PCCA: variants seen among roughly 807,000 people sequenced by gnomAD.
The protein encoded by PCCA is propionyl-CoA carboxylase alpha chain, mitochondrial.
A neutral mutation model predicts 101.3 loss-of-function variants in PCCA; 74 were observed. The ratio of observed to expected loss-of-function variants is 0.73; its 90% CI spans 0.61 to 0.89. The LOEUF is 0.89. Ranked by LOEUF, PCCA falls within the 40% of genes least tolerant of loss-of-function variation. PCCA has a pLI of 0.00. For missense variants in PCCA, 891 were observed against 907.0 expected, an observed-to-expected ratio of 0.98 and a Z score of 0.23; for synonymous variants, 294 against 313.6, an observed-to-expected ratio of 0.94 and a Z score of 0.66.
chr13:100,337,580 T>G (rs1204086590), intron 17 of PCCA, among the ~76,000 whole-genome samples: 1 of 152,216 alleles, frequency 6.6e-6, no homozygotes, highest in Admixed American at 6.5e-5. Flanking sequence ...ACCCCCCTTT[T>G]GAAGTGGAAT....
rs370573549 is a variant in PCCA at position 100,172,291 on chromosome 13, G to A, written c.468+14951G>A. On this transcript the variant is annotated intron_variant, in intron 6 of 23. Transcript: ENST00000376285. ...CTTTTGAAGGAAGTTTAATGTCTTT[G>A]GTATTCACATCAAACTAATTTGACA... Among the ~76,000 whole-genome samples, 10 of 151,206 alleles carry A rather than the reference G, an allele frequency of 6.6e-5. No homozygotes were observed. In the South Asian group the frequency reaches 1.0e-3, roughly 16 times the overall value.
chr13:100,401,175 A>G (rs2077341158), intron 19 of PCCA, among the ~76,000 whole-genome samples: 1 of 151,844 alleles, frequency 6.6e-6, no homozygotes, highest in African/African-American at 2.4e-5. Flanking sequence ...GAAATATTTT[A>G]GATTTTTTAT....
At chr13:100,371,463 A>G in intron 19 of PCCA, among the ~76,000 whole-genome samples, 1 of 152,204 alleles carries the variant, frequency 6.6e-6, no homozygotes, top group Non-Finnish European at 1.5e-5. Flanking sequence ...AAGACTTAAT[A>G]TGGTTAAAAT....
rs537422145 is a variant in PCCA, at chr13:100,418,812, C to T, written c.1747-6821C>T. 1.5e-3 allele frequency among the ~76,000 whole-genome samples: 221 copies of T among 145,602 alleles called. 2 individuals are homozygous for T. The highest frequency in any genetic ancestry group is 5.4e-3 in the African/African-American group (210 of 39,012). On this transcript the variant is annotated intron_variant, in intron 19 of 23. Coordinates refer to ENST00000376285, the MANE Select transcript of PCCA (RefSeq NM_000282.4). ...TCATGCCATCGTACTTCAGCCTGGG[C>T]AAGAGAGTGAGACTCCACCTCAAAA...
intron 21 of PCCA, among the ~76,000 whole-genome samples, chr13:100,496,909 T>C (rs1390853164): frequency 6.6e-6 from 1 of 152,126 alleles, no homozygotes; most frequent in Non-Finnish European, 1.5e-5. Context: ...CCACGAAACT[T>C]CATGGTGTGT....
At chr13:100,433,763 T>C (rs1169905168) in intron 20 of PCCA, among the ~76,000 whole-genome samples, 2 of 152,180 alleles carry the variant, frequency 1.3e-5, no homozygotes, top group Non-Finnish European at 2.9e-5. Context: ...TTGCTTTATA[T>C]TGTAGGGGCA....
chr13:100,466,363 G>T (rs181074504), intron 21 of PCCA, among the ~76,000 whole-genome samples: 1 of 152,334 alleles, frequency 6.6e-6, no homozygotes, highest in East Asian at 1.9e-4. Context: ...GACAAGACAC[G>T]TAGGAAGCCA....
intron 6 of PCCA, among the ~76,000 whole-genome samples, chr13:100,182,771 G>A (rs940632501): frequency 2.0e-5 from 3 of 152,066 alleles, no homozygotes; most frequent in African/African-American, 7.2e-5. Context: ...AAAGAGGAAA[G>A]CCTCTTTTTC....
intron 19 of PCCA, among the ~76,000 whole-genome samples, chr13:100,405,401 AAAAAC>A (rs2077613354): frequency 6.6e-6 from 1 of 152,222 alleles, no homozygotes; most frequent in Non-Finnish European, 1.5e-5. Context: ...GTGAAAACTT[AAAAAC>A]AACTAGTGAG....
In PCCA at chr13:100,458,158, C is replaced by T. The variant is rs115681483; in HGVS notation, c.1899+8853C>T. Among the ~76,000 whole-genome samples, 348 of 152,122 alleles carry T rather than the reference C, an allele frequency of 2.3e-3. 4 individuals are homozygous for T. Among genetic ancestry groups the T allele is most frequent in the African/African-American group, 8.1e-3 (335 of 41,498 alleles). On this transcript the variant is annotated intron_variant, in intron 21 of 23. Transcript: ENST00000376285. ...TTCAATCCAAGCATAAGGTCTTTTTCCTGTTACGCTGTTTGAACTTTGTTT... is the reference window on the plus strand; with the variant it reads ...TTCAATCCAAGCATAAGGTCTTTTTTCTGTTACGCTGTTTGAACTTTGTTT...
chr13:100,166,591 G>A (rs930142085), intron 6 of PCCA, among the ~76,000 whole-genome samples: 9 of 152,094 alleles, frequency 5.9e-5, no homozygotes, highest in Non-Finnish European at 1.3e-4. Flanking sequence ...GAGCCACCGT[G>A]CCTAGCCTGC....
chr13:100,300,378 TATG>T (rs1329749423), intron 12 of PCCA, among the ~76,000 whole-genome samples: 3 of 152,178 alleles, frequency 2.0e-5, no homozygotes, highest in African/African-American at 7.2e-5. Flanking sequence ...ATTGTCTGCT[TATG>T]ATAAGCTTCA....
Position 100,113,231 on chromosome 13 carries a change from C to T in PCCA, c.300+1170C>T, listed in dbSNP as rs1482764686. ...GTGCAGCACGTGACTGTACTAAATA[C>T]TGTAGGCAATTGTAACACAATGGTA... On this transcript the variant is annotated intron_variant, in intron 4 of 23. Coordinates refer to ENST00000376285, the MANE Select transcript of PCCA (RefSeq NM_000282.4). 2.6e-5 allele frequency among the ~76,000 whole-genome samples: 4 copies of T among 152,240 alleles called. No homozygotes were observed. The East Asian group carries it at 5.8e-4, about 22-fold the overall frequency.
intron 19 of PCCA, among the ~76,000 whole-genome samples, chr13:100,374,810 G>A (rs911505547): frequency 1.3e-5 from 2 of 152,106 alleles, no homozygotes; most frequent in African/African-American, 4.8e-5. Flanking sequence ...TTGTTACAGT[G>A]GGCCAATGAT....
At chr13:100,207,898 G>T (rs1443906910) in intron 6 of PCCA, among the ~76,000 whole-genome samples, 1 of 151,812 alleles carries the variant, frequency 6.6e-6, no homozygotes, top group African/African-American at 2.4e-5. Context: ...CGCTCCTGTA[G>T]TCCCAGCTAC....
At chr13:100,495,229 T>A (rs1368489915) in intron 21 of PCCA, among the ~76,000 whole-genome samples, 1 of 152,158 alleles carries the variant, frequency 6.6e-6, no homozygotes, top group Non-Finnish European at 1.5e-5. Flanking sequence ...TTGTCCACAT[T>A]ACCACCACAT....
chr13:100,313,266 A>C (rs2067071991), intron 16 of PCCA, among the ~76,000 whole-genome samples: 1 of 152,160 alleles, frequency 6.6e-6, no homozygotes, highest in South Asian at 2.1e-4. Context: ...ATGTTCCTGT[A>C]ACTGGATTTT....
At chr13:100,331,591 T>C (rs903316053) in intron 17 of PCCA, among the ~76,000 whole-genome samples, 1 of 152,216 alleles carries the variant, frequency 6.6e-6, no homozygotes, top group African/African-American at 2.4e-5. Flanking sequence ...GATTTGAATA[T>C]TGTTTTAAAA....
intron 4 of PCCA, among the ~76,000 whole-genome samples, chr13:100,153,211 A>G (rs1364416356): frequency 1.3e-5 from 2 of 152,234 alleles, no homozygotes; most frequent in African/African-American, 4.8e-5. Flanking sequence ...ACATTGGGCT[A>G]GGGGAGATTA....
Sources: gnomAD v4.1 joint callset for allele counts (sites outside exome capture counted in the v4.1 genomes callset) on GRCh38, gnomAD v4.1.1 for gene constraint, MANE v1.5 for transcripts, NCBI Gene and HGNC (gene_info 2026-07-23, HGNC 2026-07-21) for gene names.